The following IL23R variants were observed in gnomAD, a reference collection of about 807,000 sequenced individuals.
IL23R encodes interleukin 23 receptor.
A neutral mutation model predicts 56.9 loss-of-function variants in IL23R; 34 were observed. The observed-to-expected ratio is 0.60, with a 90% CI of 0.45 to 0.80. The LOEUF (loss-of-function observed/expected upper bound fraction) is 0.80, where lower values mean the gene tolerates loss of function less well. IL23R is among the 30% of genes least tolerant of loss of function. The probability of loss-of-function intolerance (pLI) is 0.00; values close to 1 mark genes in which losing one functional copy is unlikely to be tolerated. For synonymous variants in IL23R, 230 were observed against 249.2 expected (o/e 0.92, Z 0.73); for missense variants, 635 against 730.0 (o/e 0.87, Z 1.50).
intron 3 of IL23R, among the ~76,000 whole-genome samples, chr1:67,175,556 C>T (rs1367103235): frequency 1.3e-5 from 2 of 152,168 alleles, no homozygotes; most frequent in African/African-American, 4.8e-5. Context: ...TTGACTCTTC[C>T]AGATACCTTG....
At chr1:67,232,433 C>A (rs186542507) in intron 7 of IL23R, among the ~76,000 whole-genome samples, 3 of 152,258 alleles carry the variant, frequency 2.0e-5, no homozygotes, top group Non-Finnish European at 2.9e-5. Flanking sequence ...CTCTGCCTCC[C>A]ACCCTGAGCC....
intron 5 of IL23R, among the ~76,000 whole-genome samples, chr1:67,204,060 G>T (rs904807226): frequency 6.6e-6 from 1 of 152,062 alleles, no homozygotes; most frequent in Non-Finnish European, 1.5e-5. Flanking sequence ...TAATAAAATT[G>T]ATACTTTTTT....
chr1:67,140,100 T>A (rs1472542474), intron 1 of IL23R, among the ~76,000 whole-genome samples: 1 of 152,192 alleles, frequency 6.6e-6, no homozygotes, highest in Non-Finnish European at 1.5e-5. Flanking sequence ...CTTCTCAGTC[T>A]CCATAACTGT....
At chr1:67,251,997 C>T (rs1162436477) in intron 9 of IL23R, among the ~76,000 whole-genome samples, 1 of 152,058 alleles carries the variant, frequency 6.6e-6, no homozygotes, top group African/African-American at 2.4e-5. Flanking sequence ...GAATGTAAAA[C>T]AAGATGGAGA....
chr1:67,244,068 G>A (rs552908668), intron 9 of IL23R, among the ~76,000 whole-genome samples: 7 of 152,230 alleles, frequency 4.6e-5, no homozygotes, highest in South Asian at 2.1e-4. Context: ...TAGTGATGAC[G>A]AGCTTTTTTT....
At chr1:67,245,897 C>T (rs745468626) in intron 9 of IL23R, among the ~76,000 whole-genome samples, 6 of 152,170 alleles carry the variant, frequency 3.9e-5, no homozygotes, top group Non-Finnish European at 8.8e-5. Flanking sequence ...ACCAGCTCCT[C>T]TTTGTACCTC....
chr1:67,257,777 C>G (rs1653031082), intron 10 of IL23R, among the ~76,000 whole-genome samples: 1 of 152,192 alleles, frequency 6.6e-6, no homozygotes, highest in Non-Finnish European at 1.5e-5. Context: ...GATCTCAGCT[C>G]ACTGCAACCT....
Position 67,182,687 on chromosome 1 carries a change from C to T in IL23R, c.368-149C>T, listed in dbSNP as rs1164481136. 6 of 811,234 alleles carry T rather than the reference C, an allele frequency of 7.4e-6. No homozygotes were observed. The East Asian group carries it at 1.4e-4, about 19-fold the overall frequency. The allele number at this position is 811,234 out of a possible 1,614,324, so 50.3% of individuals were successfully genotyped here. On this transcript the variant is annotated intron_variant, in intron 3 of 10. Transcript: ENST00000347310. ...AACCCCAGTGAGATGAACCCGGTAC[C>T]TCAGTTGGAAATGAAGAAATCGTTC...
upstream of IL23R, among the ~76,000 whole-genome samples, chr1:67,162,166 A>T (rs1054495523): frequency 6.6e-6 from 1 of 152,010 alleles, no homozygotes; most frequent in Non-Finnish European, 1.5e-5. Context: ...GTAATGGTTC[A>T]TCAAAAATCC....
At chr1:67,212,235 A>G (rs1649528624) in intron 6 of IL23R, among the ~76,000 whole-genome samples, 1 of 152,146 alleles carries the variant, frequency 6.6e-6, no homozygotes, top group Admixed American at 6.5e-5. Context: ...TATCCAGATC[A>G]CTCAAGCCAA....
downstream of IL23R, among the ~76,000 whole-genome samples, chr1:67,262,933 T>C (rs1487654858): frequency 6.6e-6 from 1 of 152,110 alleles, no homozygotes; most frequent in Non-Finnish European, 1.5e-5. Flanking sequence ...ACAACACTAA[T>C]GCTGACTAAG....
At chr1:67,199,588 A>C (rs907460989) in intron 4 of IL23R, among the ~76,000 whole-genome samples, 4 of 152,252 alleles carry the variant, frequency 2.6e-5, no homozygotes, top group African/African-American at 9.6e-5. Context: ...ACTTAAAATC[A>C]GAAGAGAAAA....
At chr1:67,264,465 T>C (rs1250331457), downstream of IL23R, among the ~76,000 whole-genome samples, 3 of 152,214 alleles carry the variant, frequency 2.0e-5, no homozygotes, top group Non-Finnish European at 4.4e-5. Context: ...ACACTATTGG[T>C]TTAAAATAAA....
intron 4 of IL23R, among the ~76,000 whole-genome samples, chr1:67,194,129 GGC>G (rs1242613585): frequency 6.6e-6 from 1 of 152,200 alleles, no homozygotes; most frequent in African/African-American, 2.4e-5. Flanking sequence ...CCACCCTGCA[GGC>G]ATCCTCATAT....
chr1:67,231,437 T>G (rs1224299434), intron 7 of IL23R, among the ~76,000 whole-genome samples: 6 of 152,158 alleles, frequency 3.9e-5, no homozygotes, highest in Non-Finnish European at 7.3e-5. Context: ...ATATGAACTG[T>G]CTCATCAAAC....
chr1:67,229,473 T>G (rs1558255173), intron 7 of IL23R, among the ~76,000 whole-genome samples: 1 of 152,180 alleles, frequency 6.6e-6, no homozygotes, highest in Non-Finnish European at 1.5e-5. Context: ...TGGGGTTTTT[T>G]GTAGGCTTCA....
intron 9 of IL23R, among the ~76,000 whole-genome samples, chr1:67,245,535 T>A (rs897917933): frequency 6.6e-6 from 1 of 152,220 alleles, no homozygotes; most frequent in African/African-American, 2.4e-5. Flanking sequence ...TTGAATTTTG[T>A]CAAAGGCCTT....
chr1:67,263,529 C>T (rs1336561567), downstream of IL23R, among the ~76,000 whole-genome samples: 1 of 152,166 alleles, frequency 6.6e-6, no homozygotes. Flanking sequence ...TTTAGTCATT[C>T]TCCCTTTGAC....
At chr1:67,176,864 C>T (rs554161640) in intron 3 of IL23R, among the ~76,000 whole-genome samples, 73 of 152,200 alleles carry the variant, frequency 4.8e-4, no homozygotes, top group African/African-American at 1.7e-3. Flanking sequence ...CAGTTCCCAC[C>T]TATGAGTGAG....
Sources: allele counts gnomAD v4.1 joint callset (sites outside exome capture counted in the v4.1 genomes callset), GRCh38; gene constraint gnomAD v4.1.1; transcripts MANE v1.5; gene names NCBI Gene and HGNC (gene_info 2026-07-23, HGNC 2026-07-21).